Variants in ARL6 observed in about 807,000 individuals in gnomAD.
ARL6 encodes ADP-ribosylation factor-like protein 6.
In ARL6, 18 loss-of-function variants were observed where a neutral mutation model predicts 27.1. The observed-to-expected ratio is 0.66, with a 90% CI of 0.46 to 0.98. ARL6 has a LOEUF of 0.98. Among genes scored for constraint, ARL6 ranks in the 50% least tolerant of loss-of-function variants. ARL6 has a pLI of 0.00. For synonymous variants in ARL6, 65 were observed against 72.3 expected, an observed-to-expected ratio of 0.90 and a Z score of 0.51; for missense variants, 187 against 214.9, an observed-to-expected ratio of 0.87 and a Z score of 0.81.
rs926018860 is a variant in ARL6, at chr3:97,799,705, C to CT, written c.*1656_*1657insT. 1.3e-5 allele frequency: 2 copies of CT among 152,032 alleles called. No individual in the cohort carries two copies. Among genetic ancestry groups the CT allele is most frequent in the Admixed American group, 6.6e-5 (1 of 15,258 alleles). The allele number at this position is 152,032 out of a possible 1,614,324, so 9.4% of individuals were successfully genotyped here. On this transcript the variant is annotated 3_prime_UTR_variant, in exon 8 of 8. Transcript: ENST00000463745. ...CAGAATTTTCAACATTTAATCCTCCCAATAAGCCTATGTGGCAGGTTTTAT... is the reference window on the plus strand; with the variant it reads ...CAGAATTTTCAACATTTAATCCTCCCTAATAAGCCTATGTGGCAGGTTTTAT...
At chr3:97,772,221 A>C (rs78037277) in intron 2 of ARL6, among the ~76,000 whole-genome samples, 1 of 152,122 alleles carries the variant, frequency 6.6e-6, no homozygotes, top group African/African-American at 2.4e-5. Context: ...TGGCCTGTTC[A>C]GGTATTTTAT....
rs553139989 is a variant in ARL6, at chr3:97,787,920, G to A, written c.350-70G>A. On this transcript the variant is annotated intron_variant, in intron 5 of 7. Transcript: ENST00000463745. The stretch of plus-strand genomic sequence containing the variant: ...TTGAAAAAAAATTTCATGGGTTTCA[G>A]TACTAAAGATTTGCTGCAAAATGAC... 9 of 1,551,534 alleles carry A rather than the reference G, an allele frequency of 5.8e-6. No homozygotes were observed. The South Asian group carries it at 9.0e-5, about 15-fold the overall frequency.
At position 97,780,586 on chromosome 3, in the gene ARL6, A is replaced by G. The variant is rs991353279; in HGVS notation, c.186-29A>G. On this transcript the variant is annotated intron_variant, in intron 3 of 7. Transcript: ENST00000463745. ...AGTAAAAGTTATGCTTTAGTTTATA[A>G]TGTAGTCATGTTTTGCTTCTTTTTG... The G allele has an allele frequency of 9.6e-6, 15 of 1,569,964 alleles. No homozygotes were observed. In the African/African-American group the frequency reaches 1.5e-4, roughly 16 times the overall value.
intron 6 of ARL6, among the ~76,000 whole-genome samples, chr3:97,789,740 T>C (rs2037632899): frequency 6.6e-6 from 1 of 152,184 alleles, no homozygotes; most frequent in African/African-American, 2.4e-5. Flanking sequence ...TTTTGTTCTT[T>C]ATTCTTGGCA....
In ARL6 at chr3:97,788,070, T is replaced by C. The variant is rs1418049586; in HGVS notation, c.430T>C (p.Ser144Pro). 1 of 1,613,242 alleles carries C rather than the reference T, an allele frequency of 6.2e-7. No homozygotes were observed. The highest frequency in any genetic ancestry group is 1.3e-5 in the African/African-American group (1 of 74,910). The change falls in exon 6 of 8, where the codon TCT (serine) becomes CCT (proline). Residue 144 changes from serine (S) to proline (P), a missense_variant. Ser to Pro is a moderately conservative substitution (Grantham distance 74). Transcript: ENST00000463745. ...AGATGCAGTGACATCTGTAAAAGTG[T>C]CTCAGTTGCTGTGTTTAGAGAACAT... ...LRDAVTSVKVSQLLCLENIKD... is the reference protein window; with the variant it reads ...LRDAVTSVKVPQLLCLENIKD...
Position 97,788,130 on chromosome 3 carries a change from A to T in ARL6, c.479+11A>T, listed in dbSNP as rs760577207. On this transcript the variant is annotated intron_variant, in intron 6 of 7. Coordinates refer to ENST00000463745, the MANE Select transcript of ARL6 (RefSeq NM_001278293.3). The stretch of plus-strand genomic sequence containing the variant: ...ACCCTGGCATATTTGGTAAAGTTTT[A>T]TATTTACTTTTCACTGTAGCTTTCT... The T allele has an allele frequency of 6.2e-7, 1 of 1,611,670 alleles. No homozygotes were observed. The highest frequency in any genetic ancestry group is 1.7e-5 in the Admixed American group (1 of 59,900).
In ARL6 at chr3:97,793,489, AC is replaced by A. The variant is rs2037843715; in HGVS notation, c.535+1664del. ...TAGCATGGATGGAAACCCTATTGTC[AC>A]TCATGATAACCTAATTCAGAGCACA... On this transcript the variant is annotated intron_variant, in intron 7 of 7. Coordinates refer to ENST00000463745, the MANE Select transcript of ARL6 (RefSeq NM_001278293.3). 3 of 152,184 alleles carry A rather than the reference AC, an allele frequency of 2.0e-5. No homozygotes were observed. The South Asian group carries it at 6.2e-4, about 32-fold the overall frequency. 9.4% of individuals were successfully genotyped at this position (152,184 alleles called of 1,614,324 possible). A position where few individuals can be genotyped will look rare whatever the true frequency, so the allele number is the denominator to read the frequency against.
intron 1 of ARL6, among the ~76,000 whole-genome samples, chr3:97,767,250 A>G (rs1304457192): frequency 6.6e-6 from 1 of 152,174 alleles, no homozygotes; most frequent in Non-Finnish European, 1.5e-5. Flanking sequence ...TAAAATCTAC[A>G]ATCAGTATTT....
chr3:97,777,540 G>A (rs1477039364), intron 2 of ARL6, among the ~76,000 whole-genome samples: 1 of 152,006 alleles, frequency 6.6e-6, no homozygotes, highest in African/African-American at 2.4e-5. Flanking sequence ...TTGTTAAATA[G>A]TATTGTTATC....
chr3:97,779,032 G>A (rs1462683017), intron 2 of ARL6, among the ~76,000 whole-genome samples: 1 of 152,114 alleles, frequency 6.6e-6, no homozygotes, highest in Non-Finnish European at 1.5e-5. Context: ...AGTGCTAGGA[G>A]GCATTTAACA....
rs567431431 is a variant in ARL6, at chr3:97,796,930, C to A, written c.536-1094C>A. 2.0e-5 allele frequency among the ~76,000 whole-genome samples: 3 copies of A among 152,154 alleles called. No homozygotes were observed. In the South Asian group the frequency reaches 6.2e-4, roughly 32 times the overall value. ...GGTATCTCAAGAATTTACTTTCTGTCCTTTTTACTAAGGTAGCCACTGAGA... is the reference window on the plus strand; with the variant it reads ...GGTATCTCAAGAATTTACTTTCTGTACTTTTTACTAAGGTAGCCACTGAGA... On this transcript the variant is annotated intron_variant, in intron 7 of 7. Coordinates refer to ENST00000463745, the MANE Select transcript of ARL6 (RefSeq NM_001278293.3).
At chr3:97,772,725 G>A (rs1230872045) in intron 2 of ARL6, among the ~76,000 whole-genome samples, 1 of 150,484 alleles carries the variant, frequency 6.6e-6, no homozygotes, top group African/African-American at 2.4e-5. Flanking sequence ...GGGTTCAAGC[G>A]ATTCTCCTGC....
intron 1 of ARL6, among the ~76,000 whole-genome samples, chr3:97,765,718 T>A (rs987676460): frequency 2.6e-5 from 4 of 152,160 alleles, no homozygotes; most frequent in African/African-American, 9.7e-5. Context: ...GATCTTATTT[T>A]CAAAAATTCG....
intron 7 of ARL6, among the ~76,000 whole-genome samples, chr3:97,796,281 GAGA>G (rs1344134955): frequency 6.6e-6 from 1 of 152,072 alleles, no homozygotes; most frequent in Non-Finnish European, 1.5e-5. Context: ...AAAGAGATAA[GAGA>G]AGGTGTTACT....
chr3:97,780,258 G>GA (rs773291171), intron 3 of ARL6, 38 bp downstream of exon 3: 65 of 1,500,716 alleles, frequency 4.3e-5, no homozygotes, highest in Admixed American at 2.0e-4. Flanking sequence ...AGTTGCTAGT[G>GA]AAAAATAACA....
In ARL6 at chr3:97,781,411, CAA is replaced by C. The variant is rs376902842; in HGVS notation, c.254+732_254+733del. On this transcript the variant is annotated intron_variant, in intron 4 of 7. Coordinates refer to ENST00000463745, the MANE Select transcript of ARL6 (RefSeq NM_001278293.3). ...TGGGGAGAAAAATGCCATAAAGTTCCAAAAAGCAAAACTTAAATTGCCGTGCA... is the reference window on the plus strand; with the variant it reads ...TGGGGAGAAAAATGCCATAAAGTTCCAAAGCAAAACTTAAATTGCCGTGCA... 1.2e-3 allele frequency among the ~76,000 whole-genome samples: 188 copies of C among 152,030 alleles called. 3 individuals carry two copies. The highest frequency in any genetic ancestry group is 4.2e-3 in the African/African-American group (176 of 41,472).
chr3:97,779,527 C>T (rs1039452705), intron 2 of ARL6, among the ~76,000 whole-genome samples: 3 of 152,170 alleles, frequency 2.0e-5, no homozygotes, highest in African/African-American at 4.8e-5. Context: ...ACCATCTACA[C>T]ATGAGGGCAG....
intron 2 of ARL6, among the ~76,000 whole-genome samples, chr3:97,776,250 G>A (rs2036894401): frequency 6.6e-6 from 1 of 152,122 alleles, no homozygotes; most frequent in African/African-American, 2.4e-5. Context: ...TATGAGTATA[G>A]TTAATCTTGC....
At chr3:97,770,877 G>T (rs1481703733) in intron 2 of ARL6, among the ~76,000 whole-genome samples, 2 of 151,758 alleles carry the variant, frequency 1.3e-5, no homozygotes, top group Non-Finnish European at 2.9e-5. Flanking sequence ...CTGTTGGTCT[G>T]TGTGTGTGTG....
Sources: gnomAD v4.1 joint callset for allele counts (sites outside exome capture counted in the v4.1 genomes callset) on GRCh38, gnomAD v4.1.1 for gene constraint, MANE v1.5 for transcripts, NCBI Gene and HGNC (gene_info 2026-07-23, HGNC 2026-07-21) for gene names.